The following CCSER1 variants were observed in gnomAD, a reference collection of about 807,000 sequenced individuals.
The protein encoded by CCSER1 is coiled-coil serine rich protein 1, also known as serine-rich coiled-coil domain-containing protein 1.
In CCSER1, 41 loss-of-function variants were observed where a neutral mutation model predicts 82.0. The ratio of observed to expected loss-of-function variants is 0.50; its 90% CI spans 0.39 to 0.65. The LOEUF is 0.65. Ranked by LOEUF, CCSER1 falls within the 30% of genes least tolerant of loss-of-function variation. The probability of loss-of-function intolerance (pLI) is 0.00; values close to 1 mark genes in which losing one functional copy is unlikely to be tolerated. For missense variants in CCSER1, 1,119 were observed against 1,064.2 expected, an observed-to-expected ratio of 1.05 and a Z score of -0.72; for synonymous variants, 414 against 383.9, an observed-to-expected ratio of 1.08 and a Z score of -0.92.
intron 10 of CCSER1, among the ~76,000 whole-genome samples, chr4:91,383,396 TAAAACA>T (rs1751063677): frequency 1.3e-5 from 2 of 152,238 alleles, no homozygotes; most frequent in Middle Eastern, 3.4e-3. Flanking sequence ...GTTAACAAAT[TAAAACA>T]ATATGATAAC....
chr4:91,565,740 A>G (rs1762858806), intron 10 of CCSER1, among the ~76,000 whole-genome samples: 1 of 152,078 alleles, frequency 6.6e-6, no homozygotes, highest in South Asian at 2.1e-4. Flanking sequence ...GAGGCTGTAC[A>G]TTGATTTTGT....
At chr4:90,979,031 A>G (rs1735864216) in intron 9 of CCSER1, among the ~76,000 whole-genome samples, 1 of 151,814 alleles carries the variant, frequency 6.6e-6, no homozygotes, top group East Asian at 1.9e-4. Flanking sequence ...GCAAACAACT[A>G]CTTCCAAGCA....
At chr4:90,600,686 C>T (rs1303957582) in intron 5 of CCSER1, among the ~76,000 whole-genome samples, 3 of 151,748 alleles carry the variant, frequency 2.0e-5, no homozygotes, top group Non-Finnish European at 4.4e-5. Context: ...TTTTCAAAGA[C>T]ATCTAGCTAC....
At chr4:90,956,239 G>A (rs972345279) in intron 9 of CCSER1, among the ~76,000 whole-genome samples, 1 of 152,114 alleles carries the variant, frequency 6.6e-6, no homozygotes, top group Non-Finnish European at 1.5e-5. Flanking sequence ...ACCTACAGAA[G>A]CATTATTATA....
At chr4:90,669,876 G>T (rs545088828) in intron 6 of CCSER1, among the ~76,000 whole-genome samples, 1 of 152,168 alleles carries the variant, frequency 6.6e-6, no homozygotes, top group South Asian at 2.1e-4. Flanking sequence ...TTTAAATGAG[G>T]ATCTTTGCTT....
At chr4:90,652,696 A>C (rs1728979227) in intron 6 of CCSER1, among the ~76,000 whole-genome samples, 1 of 152,224 alleles carries the variant, frequency 6.6e-6, no homozygotes, top group Non-Finnish European at 1.5e-5. Flanking sequence ...ACTTACAAGC[A>C]TAATGACAAG....
At chr4:91,161,079 A>G (rs904352866) in intron 10 of CCSER1, among the ~76,000 whole-genome samples, 12 of 152,178 alleles carry the variant, frequency 7.9e-5, no homozygotes, top group Non-Finnish European at 1.6e-4. Context: ...TAATTTTAGT[A>G]TAAGGTGTAA....
intron 7 of CCSER1, among the ~76,000 whole-genome samples, chr4:90,751,311 G>A (rs1748619986): frequency 6.6e-6 from 1 of 152,036 alleles, no homozygotes; most frequent in African/African-American, 2.4e-5. Context: ...TGAGTAATTA[G>A]GTTATGTGCT....
chr4:91,393,761 A>T (rs902400654), intron 10 of CCSER1, among the ~76,000 whole-genome samples: 3 of 152,082 alleles, frequency 2.0e-5, no homozygotes, highest in African/African-American at 7.2e-5. Context: ...TATGGAAATT[A>T]AAGAACTCTA....
In CCSER1 at chr4:90,850,251, G is replaced by A. The variant is rs74661420; in HGVS notation, c.2094+34406G>A. ...TGTCTAGGCAGAGTCTGCTTCAGGG[G>A]TGGAGCCCTCATGGCTCACTAGGCG... On this transcript the variant is annotated intron_variant, in intron 8 of 10. Coordinates refer to ENST00000509176, the MANE Select transcript of CCSER1 (RefSeq NM_001145065.2). Among the ~76,000 whole-genome samples, 71 of 152,310 alleles carry A rather than the reference G, an allele frequency of 4.7e-4. 1 individual carries two copies. The East Asian group carries it at 0.011, about 24-fold the overall frequency.
chr4:91,323,315 A>T (rs116400901), intron 10 of CCSER1, among the ~76,000 whole-genome samples: 1,834 of 152,236 alleles, frequency 0.012, 42 homozygotes, highest in African/African-American at 0.041. Flanking sequence ...GCTCATTTTA[A>T]ATGCAGATTC....
At chr4:91,085,467 A>G (rs1723285712) in intron 9 of CCSER1, among the ~76,000 whole-genome samples, 1 of 152,158 alleles carries the variant, frequency 6.6e-6, no homozygotes, top group Non-Finnish European at 1.5e-5. Context: ...GTATGCTAAT[A>G]GAAGACAGAG....
In CCSER1 at chr4:91,131,331, C is replaced by CTT. The variant is rs34209878; in HGVS notation, c.2217+45351_2217+45352dup. ...CTTTAATCTAGAACAGTTCTCCCCT[C>CTT]TTTTTTTTTTTTTTTGATTCTATGA... On this transcript the variant is annotated intron_variant, in intron 10 of 10. Coordinates refer to ENST00000509176, the MANE Select transcript of CCSER1 (RefSeq NM_001145065.2). Among the ~76,000 whole-genome samples the CTT allele has an allele frequency of 1.4e-3, 189 of 137,764 alleles. 1 individual carries two copies. Among genetic ancestry groups the CTT allele is most frequent in the South Asian group, 0.011 (47 of 4,382 alleles). The allele number at this position is 137,764 out of a possible 152,430, so 90.4% of individuals were successfully genotyped here. A position where few individuals can be genotyped will look rare whatever the true frequency, so the allele number is the denominator to read the frequency against.
In CCSER1 at chr4:90,694,859, T is replaced by A. The variant is rs1394149573; in HGVS notation, c.1933-29055T>A. Among the ~76,000 whole-genome samples, 4 of 151,190 alleles carry A rather than the reference T, an allele frequency of 2.6e-5. No homozygotes were observed. In the East Asian group the frequency reaches 7.8e-4, roughly 30 times the overall value. On this transcript the variant is annotated intron_variant, in intron 6 of 10. Coordinates refer to ENST00000509176, the MANE Select transcript of CCSER1 (RefSeq NM_001145065.2). ...TTATGAAACCAATTTAAATGCTGCA[T>A]TCCTAAAAAGCTGGCTATGATCCTC...
chr4:90,483,952 A>G (rs1218096871), intron 5 of CCSER1, among the ~76,000 whole-genome samples: 1 of 152,186 alleles, frequency 6.6e-6, no homozygotes, highest in African/African-American at 2.4e-5. Flanking sequence ...GTCCTGGATA[A>G]TATCCTGCAG....
intron 7 of CCSER1, among the ~76,000 whole-genome samples, chr4:90,752,411 AG>A (rs1748811562): frequency 6.6e-6 from 1 of 152,124 alleles, no homozygotes; most frequent in South Asian, 2.1e-4. Context: ...TTGAATTCAC[AG>A]GAGGGGAGTC....
At chr4:91,412,694 C>G (rs1053513964) in intron 10 of CCSER1, among the ~76,000 whole-genome samples, 3 of 152,068 alleles carry the variant, frequency 2.0e-5, no homozygotes, top group Non-Finnish European at 4.4e-5. Flanking sequence ...GCAACTTTAT[C>G]ATCCCAGATA....
intron 4 of CCSER1, among the ~76,000 whole-genome samples, chr4:90,463,236 G>A (rs1003690334): frequency 6.6e-6 from 1 of 152,148 alleles, no homozygotes; most frequent in Non-Finnish European, 1.5e-5. Context: ...GAATCCAGAT[G>A]TAGGGATATT....
intron 10 of CCSER1, among the ~76,000 whole-genome samples, chr4:91,200,650 A>G (rs1262871320): frequency 1.3e-5 from 2 of 152,048 alleles, no homozygotes; most frequent in East Asian, 1.9e-4. Context: ...GTAATCTATG[A>G]TACGTAATTT....
Sources: allele counts gnomAD v4.1 joint callset (sites outside exome capture counted in the v4.1 genomes callset), GRCh38; gene constraint gnomAD v4.1.1; transcripts MANE v1.5; gene names NCBI Gene and HGNC (gene_info 2026-07-23, HGNC 2026-07-21).